The following BMP6 variants were observed in gnomAD, a reference collection of about 807,000 sequenced individuals.
BMP6 encodes bone morphogenetic protein 6.
A neutral mutation model predicts 54.1 loss-of-function variants in BMP6; 17 were observed. The ratio of observed to expected loss-of-function variants is 0.31; its 90% CI spans 0.22 to 0.47. The LOEUF (loss-of-function observed/expected upper bound fraction) is 0.47. Among genes scored for constraint, BMP6 ranks in the 20% least tolerant of loss-of-function variants. The pLI, the probability that BMP6 is intolerant of heterozygous loss-of-function variation, is 1.00. For missense variants in BMP6, 720 were observed against 690.4 expected (o/e 1.04, Z -0.48); for synonymous variants, 328 against 291.2 (o/e 1.13, Z -1.28).
chr6:7,858,122 G>A (rs189641908), intron 2 of BMP6, among the ~76,000 whole-genome samples: 2 of 152,208 alleles, frequency 1.3e-5, no homozygotes, highest in Admixed American at 6.5e-5. Context: ...TCACTCTGTC[G>A]TCCAGGCTGG....
chr6:7,773,811 T>C (rs1433790239), intron 1 of BMP6, among the ~76,000 whole-genome samples: 1 of 152,182 alleles, frequency 6.6e-6, no homozygotes, highest in Non-Finnish European at 1.5e-5. Context: ...TGACTTTTGG[T>C]CATCTTGTTT....
At chr6:7,875,212 C>T (rs901140226) in intron 4 of BMP6, among the ~76,000 whole-genome samples, 1 of 152,098 alleles carries the variant, frequency 6.6e-6, no homozygotes, top group Non-Finnish European at 1.5e-5. Flanking sequence ...AGACAATGAC[C>T]CAGCTCGATA....
intron 1 of BMP6, among the ~76,000 whole-genome samples, chr6:7,808,324 A>G (rs1348736938): frequency 6.6e-6 from 1 of 152,168 alleles, no homozygotes; most frequent in Non-Finnish European, 1.5e-5. Context: ...AAATCTGAAG[A>G]TTTACTGATA....
chr6:7,856,120 T>TAA (rs56264814), intron 2 of BMP6, among the ~76,000 whole-genome samples: 42,726 of 83,008 alleles, frequency 0.51, 12,330 homozygotes, highest in Middle Eastern at 0.61. Flanking sequence ...TCAAAGACTG[T>TAA]AAAAAAAAAA....
At chr6:7,741,144 TA>T (rs1757243169) in intron 1 of BMP6, among the ~76,000 whole-genome samples, 1 of 152,212 alleles carries the variant, frequency 6.6e-6, no homozygotes, top group Non-Finnish European at 1.5e-5. Context: ...TTCTGTTTTT[TA>T]AACCCCAGTT....
At chr6:7,868,561 G>A (rs889954630) in intron 4 of BMP6, among the ~76,000 whole-genome samples, 7 of 152,234 alleles carry the variant, frequency 4.6e-5, no homozygotes, top group Admixed American at 3.9e-4. Flanking sequence ...CCACTTTAAC[G>A]ACCTCTATGT....
intron 2 of BMP6, among the ~76,000 whole-genome samples, chr6:7,846,118 G>A (rs535389411): frequency 2.0e-4 from 30 of 152,276 alleles, no homozygotes; most frequent in Admixed American, 7.8e-4. Flanking sequence ...TAGTGTTACC[G>A]TGTAGCTCTT....
intron 1 of BMP6, among the ~76,000 whole-genome samples, chr6:7,732,546 A>G (rs1761880996): frequency 6.6e-6 from 1 of 152,242 alleles, no homozygotes; most frequent in Admixed American, 6.5e-5. Context: ...TTAAATACAA[A>G]AACAATGCTC....
chr6:7,730,027 C>G (rs531116831), intron 1 of BMP6, among the ~76,000 whole-genome samples: 31 of 152,302 alleles, frequency 2.0e-4, no homozygotes, highest in African/African-American at 6.7e-4. Flanking sequence ...TTGTCAAGAT[C>G]TCAGGTGATG....
intron 1 of BMP6, among the ~76,000 whole-genome samples, chr6:7,778,460 G>T (rs1757894388): frequency 7.2e-6 from 1 of 138,426 alleles, no homozygotes. Context: ...GCCAGCAATG[G>T]CAGAGTCCAC....
chr6:7,798,294 AGACCAGAGGGTGAG>A (rs1167106893), intron 1 of BMP6, among the ~76,000 whole-genome samples: 1 of 152,244 alleles, frequency 6.6e-6, no homozygotes, highest in Admixed American at 6.5e-5. Context: ...ACCAGATGTA[AGACCAGAGGGTGAG>A]GACTTCGAGC....
intron 2 of BMP6, among the ~76,000 whole-genome samples, chr6:7,854,039 CA>C (rs1388558271): frequency 1.3e-5 from 2 of 152,194 alleles, no homozygotes; most frequent in Admixed American, 6.5e-5. Context: ...CATATACACT[CA>C]AAAGAATGCT....
intron 1 of BMP6, among the ~76,000 whole-genome samples, chr6:7,792,698 A>AGCC (rs1758128312): frequency 6.6e-6 from 1 of 152,244 alleles, no homozygotes; most frequent in Admixed American, 6.5e-5. Flanking sequence ...AACAAGGCAG[A>AGCC]GCCAGTAACA....
chr6:7,872,998 CAG>C (rs1759554081), intron 4 of BMP6, among the ~76,000 whole-genome samples: 1 of 151,896 alleles, frequency 6.6e-6, no homozygotes, highest in African/African-American at 2.4e-5. Context: ...CTTGTAGAGA[CAG>C]GGTCTGTGTT....
intron 2 of BMP6, among the ~76,000 whole-genome samples, chr6:7,852,230 T>A (rs1759153876): frequency 6.6e-6 from 1 of 152,234 alleles, no homozygotes; most frequent in Non-Finnish European, 1.5e-5. Flanking sequence ...GTATTAAGGC[T>A]TATCTGTTTA....
chr6:7,780,196 A>G (rs751611119), intron 1 of BMP6, among the ~76,000 whole-genome samples: 4 of 152,210 alleles, frequency 2.6e-5, no homozygotes, highest in African/African-American at 9.6e-5. Flanking sequence ...TTAATTCTGC[A>G]TCTCCTAGTG....
At chr6:7,868,836 C>T (rs1228633) in intron 4 of BMP6, among the ~76,000 whole-genome samples, 46,450 of 151,980 alleles carry the variant, frequency 0.31, 7,629 homozygotes, top group East Asian at 0.59. Context: ...CTGCAGAAGC[C>T]CTGGTGAGGA....
intron 4 of BMP6, among the ~76,000 whole-genome samples, chr6:7,873,984 G>A (rs1394099694): frequency 6.6e-6 from 1 of 151,988 alleles, no homozygotes; most frequent in Non-Finnish European, 1.5e-5. Flanking sequence ...GAAAATCCCA[G>A]GCTAAGACTG....
intron 2 of BMP6, among the ~76,000 whole-genome samples, chr6:7,848,202 C>T (rs1413765542): frequency 6.6e-6 from 1 of 152,140 alleles, no homozygotes; most frequent in Non-Finnish European, 1.5e-5. Flanking sequence ...GGGGGTCAAG[C>T]TTTGCTAAAG....
Sources: gnomAD v4.1 joint callset for allele counts (sites outside exome capture counted in the v4.1 genomes callset) on GRCh38, gnomAD v4.1.1 for gene constraint, MANE v1.5 for transcripts, NCBI Gene and HGNC (gene_info 2026-07-23, HGNC 2026-07-21) for gene names.